TENM3: variants seen among roughly 807,000 people sequenced by gnomAD.
TENM3 encodes the protein teneurin-3.
TENM3 carries 63 observed loss-of-function variants against 255.1 expected under a neutral mutation model. The ratio of observed to expected loss-of-function variants is 0.25; its 90% CI spans 0.20 to 0.30. The LOEUF is 0.30. TENM3 is among the 10% of genes least tolerant of loss of function. The pLI is 1.00. For synonymous variants in TENM3, 1,306 were observed against 1,322.3 expected (o/e 0.99, Z 0.27); for missense variants, 2,929 against 3,461.1 (o/e 0.85, Z 3.86).
intron 1 of TENM3, among the ~76,000 whole-genome samples, chr4:182,172,026 A>G: frequency 6.6e-6 from 1 of 152,092 alleles, no homozygotes; most frequent in East Asian, 1.9e-4. Flanking sequence ...AAGTGATTTG[A>G]TATAAAATAT....
chr4:181,674,008 G>T, the TENM3 span, among the ~76,000 whole-genome samples: 5 of 152,026 alleles, frequency 3.3e-5, no homozygotes, highest in Non-Finnish European at 5.9e-5. Context: ...TATTTATTGG[G>T]GAAAGGGGAT....
At chr4:181,721,495 G>A in the TENM3 span, among the ~76,000 whole-genome samples, 1 of 126,032 alleles carries the variant, frequency 7.9e-6, no homozygotes, top group South Asian at 3.0e-4. Context: ...AGCTACTCGG[G>A]AGGCTGAGGC....
Position 182,502,095 on chromosome 4 carries a change from C to A in TENM3, c.512-98829C>A, listed in dbSNP as rs1176333316. ...CACTTGTCTGAAAATCATTTGCTCT[C>A]AGAATTGTGAAGGCACTGCTCCATT... On this transcript the variant is annotated intron_variant, in intron 3 of 27. Transcript: ENST00000511685. Among the ~76,000 whole-genome samples the A allele has an allele frequency of 2.0e-5, 3 of 152,198 alleles. No individual in the cohort carries two copies. The South Asian group carries it at 6.2e-4, about 31-fold the overall frequency.
chr4:181,902,397 T>C, the TENM3 span, among the ~76,000 whole-genome samples: 1 of 152,218 alleles, frequency 6.6e-6, no homozygotes. Flanking sequence ...TTGTTGTAAT[T>C]GCTTTTGGTG....
intron 12 of TENM3, among the ~76,000 whole-genome samples, chr4:182,706,337 G>A (rs981634758): frequency 6.6e-6 from 1 of 152,164 alleles, no homozygotes; most frequent in Admixed American, 6.5e-5. Flanking sequence ...TAATGTACCT[G>A]TTACCCCACA....
chr4:181,703,050 A>G, the TENM3 span, among the ~76,000 whole-genome samples: 1 of 152,206 alleles, frequency 6.6e-6, no homozygotes, highest in African/African-American at 2.4e-5. Flanking sequence ...TGGAAGAGGA[A>G]GTACAGGGGC....
chr4:181,633,516 G>A, the TENM3 span, among the ~76,000 whole-genome samples: 1 of 152,122 alleles, frequency 6.6e-6, no homozygotes, highest in African/African-American at 2.4e-5. Flanking sequence ...ATGGTCTCTG[G>A]TGCTTTTCCA....
At chr4:182,213,371 A>T in intron 1 of TENM3, among the ~76,000 whole-genome samples, 1 of 152,216 alleles carries the variant, frequency 6.6e-6, no homozygotes, top group East Asian at 1.9e-4. Flanking sequence ...TTGCATAGTG[A>T]TTTAGCCATC....
the TENM3 span, among the ~76,000 whole-genome samples, chr4:181,457,983 G>T: frequency 6.6e-6 from 1 of 151,718 alleles, no homozygotes; most frequent in South Asian, 2.1e-4. Flanking sequence ...CCTATGCATT[G>T]CTTGATACTG....
intron 3 of TENM3, among the ~76,000 whole-genome samples, chr4:182,352,242 A>T (rs1201730490): frequency 6.6e-6 from 1 of 151,602 alleles, no homozygotes; most frequent in East Asian, 1.9e-4. Context: ...CCATTTATTG[A>T]CTCTCTTATT....
At chr4:182,784,221 G>C (rs928597859) in intron 24 of TENM3, among the ~76,000 whole-genome samples, 10 of 152,128 alleles carry the variant, frequency 6.6e-5, no homozygotes, top group Non-Finnish European at 1.2e-4. Flanking sequence ...GTGATGTACA[G>C]ATGGGTTTTT....
chr4:182,032,903 C>G, the TENM3 span, among the ~76,000 whole-genome samples: 1 of 151,914 alleles, frequency 6.6e-6, no homozygotes. Context: ...TCCCCTTTAT[C>G]ATTTTTTATT....
chr4:181,460,533 G>A, the TENM3 span, among the ~76,000 whole-genome samples: 2 of 151,638 alleles, frequency 1.3e-5, no homozygotes, highest in African/African-American at 2.4e-5. Flanking sequence ...TGATACAACT[G>A]GGTGAAAATC....
chr4:182,283,372 G>GT (rs1407179288), intron 1 of TENM3, among the ~76,000 whole-genome samples: 1 of 152,130 alleles, frequency 6.6e-6, no homozygotes, highest in East Asian at 1.9e-4. Context: ...TCACTGTTGT[G>GT]TTTCTTCTAG....
At chr4:182,758,959 TG>T (rs1319424525) in intron 22 of TENM3, among the ~76,000 whole-genome samples, 1 of 152,212 alleles carries the variant, frequency 6.6e-6, no homozygotes, top group Non-Finnish European at 1.5e-5. Context: ...CTGACTATCC[TG>T]GTGTCTAAAA....
Position 182,508,096 on chromosome 4 carries a change from G to A in TENM3, c.512-92828G>A, listed in dbSNP as rs140604403. On this transcript the variant is annotated intron_variant, in intron 3 of 27. Transcript: ENST00000511685. ...AGTTCATTTAACCCTGATAGGCCTC[G>A]TCTTTGTAAAATGGGGATAAATACT... Among the ~76,000 whole-genome samples the A allele has an allele frequency of 3.4e-3, 511 of 152,216 alleles. 2 individuals are homozygous for A. The highest frequency in any genetic ancestry group is 0.012 in the African/African-American group (484 of 41,540).
chr4:182,012,262 C>A, the TENM3 span, among the ~76,000 whole-genome samples: 4 of 152,150 alleles, frequency 2.6e-5, no homozygotes, highest in South Asian at 6.2e-4. Context: ...CCTTTCTAGT[C>A]CAGAACTCAC....
At chr4:182,764,199 G>C (rs764976236) in intron 22 of TENM3, among the ~76,000 whole-genome samples, 1 of 152,232 alleles carries the variant, frequency 6.6e-6, no homozygotes, top group Non-Finnish European at 1.5e-5. Flanking sequence ...TTTTGATAAG[G>C]TGGGAAGTTT....
At chr4:182,670,931 C>A (rs1201229201) in intron 6 of TENM3, among the ~76,000 whole-genome samples, 1 of 152,080 alleles carries the variant, frequency 6.6e-6, no homozygotes, top group African/African-American at 2.4e-5. Flanking sequence ...TGCACAGTAA[C>A]AGAATACTAG....
Sources: allele counts gnomAD v4.1 joint callset (sites outside exome capture counted in the v4.1 genomes callset), GRCh38; gene constraint gnomAD v4.1.1; transcripts MANE v1.5; gene names NCBI Gene and HGNC (gene_info 2026-07-23, HGNC 2026-07-21).